Variants in BIRC6 observed in about 807,000 individuals in gnomAD.
The protein encoded by BIRC6 is baculoviral IAP repeat containing 6, also known as dual E2 ubiquitin-conjugating enzyme/E3 ubiquitin-protein ligase BIRC6.
BIRC6 carries 98 observed loss-of-function variants against 503.3 expected under a neutral mutation model. The observed-to-expected ratio is 0.19, with a 90% CI of 0.17 to 0.23. The LOEUF is 0.23. BIRC6 is among the 10% of genes least tolerant of loss of function. The probability of loss-of-function intolerance (pLI) is 1.00; values close to 1 mark genes in which losing one functional copy is unlikely to be tolerated. For missense variants in BIRC6, 5,360 were observed against 5,806.0 expected (o/e 0.92, Z 2.50); for synonymous variants, 2,240 against 2,078.7 (o/e 1.08, Z -2.11).
chr2:32,457,628 A>G (rs7587720), intron 23 of BIRC6, among the ~76,000 whole-genome samples: 254 of 152,182 alleles, frequency 1.7e-3, no homozygotes, highest in African/African-American at 5.9e-3. Context: ...ACATTATTAT[A>G]ATTTTTTATA....
intron 73 of BIRC6, among the ~76,000 whole-genome samples, chr2:32,614,566 G>A (rs897482297): frequency 1.3e-5 from 2 of 152,186 alleles, no homozygotes; most frequent in Non-Finnish European, 2.9e-5. Context: ...AGTGACTCAC[G>A]CCTATAATCC....
At chr2:32,510,473 C>A in intron 52 of BIRC6, 53 bp from the exon 53 acceptor site, 1 of 1,031,792 alleles carries the variant, frequency 9.7e-7, no homozygotes, top group Non-Finnish European at 1.5e-6. Context: ...TAAATCTTCC[C>A]ATGGTTAACT....
rs568758611 is a variant in BIRC6, at chr2:32,565,440, G to A, written c.13145-9716G>A. 8 of 152,160 alleles carry A rather than the reference G, an allele frequency of 5.3e-5. No individual in the cohort carries two copies. In the South Asian group the frequency reaches 1.5e-3, roughly 28 times the overall value. The allele number at this position is 152,160 out of a possible 1,614,324, so 9.4% of individuals were successfully genotyped here. On this transcript the variant is annotated intron_variant, in intron 65 of 73. Coordinates refer to ENST00000421745, the MANE Select transcript of BIRC6 (RefSeq NM_016252.4). ...GTTCTCCACATTTTAAAATTCAAAA[G>A]CTTTAAGGTGGTATCTAATAAATAG...
At chr2:32,569,912 T>C (rs77910294) in intron 65 of BIRC6, among the ~76,000 whole-genome samples, 1 of 134,264 alleles carries the variant, frequency 7.4e-6, no homozygotes, top group Admixed American at 7.1e-5. Context: ...TTTGAATGCC[T>C]TTTTTTTTTC....
intron 71 of BIRC6, 97 bp from the exon 72 acceptor site, chr2:32,607,358 C>A: frequency 2.5e-6 from 2 of 801,552 alleles, no homozygotes. Flanking sequence ...TTTGTGGAAA[C>A]ACATATTAAA....
intron 22 of BIRC6, among the ~76,000 whole-genome samples, chr2:32,450,203 G>C (rs1227543349): frequency 3.9e-5 from 6 of 152,172 alleles, no homozygotes; most frequent in Non-Finnish European, 8.8e-5. Flanking sequence ...TGTCGGCCGG[G>C]CACGGTGGCT....
Position 32,493,555 on chromosome 2 carries a change from A to G in BIRC6, c.8356A>G (p.Thr2786Ala). 3.1e-6 allele frequency: 5 copies of G among 1,610,306 alleles called. No homozygotes were observed. The highest frequency in any genetic ancestry group is 4.2e-6 in the Non-Finnish European group (5 of 1,177,572). Residue 2786 changes from threonine to alanine, a missense_variant, in exon 45 of 74, where the codon ACA (threonine) becomes GCA (alanine). Thr to Ala is a moderately conservative substitution (Grantham distance 58). Transcript: ENST00000421745. Reference protein sequence around the residue: ...QHSPQVGPTATQAMQEFLTRL... With the variant: ...QHSPQVGPTAAQAMQEFLTRL... ...TTCTCTTTAGGTTGGTCCTACAGCT[A>G]CACAAGCTATGCAAGAATTTCTTAC...
chr2:32,574,244 G>T (rs1418135623), intron 65 of BIRC6, among the ~76,000 whole-genome samples: 1 of 142,890 alleles, frequency 7.0e-6, no homozygotes, highest in Non-Finnish European at 1.5e-5. Context: ...CTCCCCAGTT[G>T]CAGGGACTAC....
chr2:32,571,088 G>A (rs2059884931), intron 65 of BIRC6, among the ~76,000 whole-genome samples: 1 of 152,118 alleles, frequency 6.6e-6, no homozygotes. Flanking sequence ...TGGGATTACA[G>A]GTGTGAACCA....
At chr2:32,358,041 GGTGGGGGTGGGGTGGGTCGT>G (rs1396619120) in intron 1 of BIRC6, among the ~76,000 whole-genome samples, 3 of 135,026 alleles carry the variant, frequency 2.2e-5, no homozygotes, top group Admixed American at 7.4e-5. Flanking sequence ...GTGGGGGTGG[GGTGGGGGTGGGGTGGGTCGT>G]GGTGGGGGTG....
chr2:32,411,764 C>T (rs2149945730), intron 9 of BIRC6, among the ~76,000 whole-genome samples: 1 of 152,226 alleles, frequency 6.6e-6, no homozygotes, highest in Middle Eastern at 3.4e-3. Context: ...CAGGTGTGGG[C>T]CACCGCGTCT....
chr2:32,607,309 A>C (rs571509349), intron 71 of BIRC6, 146 bp from the exon 72 acceptor site: 1 of 553,286 alleles, frequency 1.8e-6, no homozygotes, highest in East Asian at 3.0e-5. Flanking sequence ...AAATATTTCA[A>C]TGTTATAATC....
chr2:32,381,892 C>T (rs1274406764), intron 3 of BIRC6, among the ~76,000 whole-genome samples: 2 of 152,024 alleles, frequency 1.3e-5, no homozygotes, highest in African/African-American at 4.8e-5. Context: ...CTTCTCATAT[C>T]CTCAGAGATC....
At position 32,518,841 on chromosome 2, in the gene BIRC6, A is replaced by G; in HGVS notation, c.11518A>G (p.Thr3840Ala). 2 of 1,613,444 alleles carry G rather than the reference A, an allele frequency of 1.2e-6. No individual in the cohort carries two copies. The highest frequency in any genetic ancestry group is 1.7e-6 in the Non-Finnish European group (2 of 1,179,486). ...CPLYKGRINA[T>A]SHVIQHPMYG... ...GCTGTACAAAGGTAGAATTAATGCT[A>G]CTAGCCACGTCATCCAGCATCCAAT... The change falls in exon 57 of 74, where the codon ACT becomes GCT. Residue 3840 changes from threonine to alanine, a missense_variant. By Grantham distance (58) the Thr-to-Ala change is moderately conservative. Coordinates refer to ENST00000421745, the MANE Select transcript of BIRC6 (RefSeq NM_016252.4).
chr2:32,381,451 GC>G (rs1223893906), intron 3 of BIRC6, among the ~76,000 whole-genome samples: 1 of 151,748 alleles, frequency 6.6e-6, no homozygotes, highest in East Asian at 1.9e-4. Flanking sequence ...TGTTGGTCAG[GC>G]AGGTGGCGAA....
In BIRC6 at chr2:32,515,413, C is replaced by G. The variant is rs766733550; in HGVS notation, c.10992C>G (p.Leu3664=). Residue 3664 remains leucine (L), a synonymous_variant, in exon 55 of 74, where the codon CTC becomes CTG. Transcript: ENST00000421745. The part of the protein sequence containing the change: ...AQSIDISQDK[L]RRHHVPQQCN... ...CAATAGATATTTCCCAGGACAAACT[C>G]AGGCGCCATCATGTCCCACAACAAT... is the stretch of plus-strand genomic sequence containing the variant. 2 of 1,612,986 alleles carry G rather than the reference C, an allele frequency of 1.2e-6. No homozygotes were observed. The highest frequency in any genetic ancestry group is 2.7e-5 in the African/African-American group (2 of 74,940).
In BIRC6 at chr2:32,385,860, CT is replaced by C. The variant is rs1485474570; in HGVS notation, c.646-2886del. ...CAAGTAGGCCCACTAAGTACTGTGG[CT>C]TTTGTTTCTGTGGTTGGTGTTACAA... On this transcript the variant is annotated intron_variant, in intron 3 of 73. Transcript: ENST00000421745. Among the ~76,000 whole-genome samples the C allele has an allele frequency of 3.8e-4, 54 of 142,388 alleles. 1 individual carries two copies. The highest frequency in any genetic ancestry group is 1.3e-3 in the African/African-American group (52 of 39,268). The allele number at this position is 142,388 out of a possible 152,430, so 93.4% of individuals were successfully genotyped here. A position where few individuals can be genotyped will look rare whatever the true frequency, so the allele number is the denominator to read the frequency against.
chr2:32,540,932 G>A (rs941932442), intron 61 of BIRC6, among the ~76,000 whole-genome samples: 1 of 152,024 alleles, frequency 6.6e-6, no homozygotes, highest in African/African-American at 2.4e-5. Context: ...TGTATAATGG[G>A]TGATGGGAAA....
At position 32,510,716 on chromosome 2, in the gene BIRC6, AGAT is replaced by A. The variant is rs1407052132; in HGVS notation, c.10346+86_10346+88del. ...TAAATGTTTCTGACAGTTTTTCCTT[AGAT>A]GATCTCATAAAAGACAATACTGTGA... On this transcript the variant is annotated intron_variant, in intron 53 of 73. Transcript: ENST00000421745. 3.2e-6 allele frequency: 3 copies of A among 949,092 alleles called. No individual in the cohort carries two copies. The Admixed American group carries it at 5.6e-5, about 18-fold the overall frequency. 58.8% of individuals were successfully genotyped at this position (949,092 alleles called of 1,614,324 possible).
Sources: allele counts gnomAD v4.1 joint callset (sites outside exome capture counted in the v4.1 genomes callset), GRCh38; gene constraint gnomAD v4.1.1; transcripts MANE v1.5; gene names NCBI Gene and HGNC (gene_info 2026-07-23, HGNC 2026-07-21).